Variants in EYS observed in about 807,000 individuals in gnomAD.
EYS encodes the protein EGF-like photoreceptor maintenance factor, also known as protein eyes shut homolog.
Under a neutral mutation model 282.1 loss-of-function variants are expected in EYS, and 250 were observed. The observed-to-expected ratio is 0.89, with a 90% CI of 0.80 to 0.98. The LOEUF is 0.98. Ranked by LOEUF, EYS falls within the 50% of genes least tolerant of loss-of-function variation. The probability of loss-of-function intolerance (pLI) is 0.00; values close to 1 mark genes in which losing one functional copy is unlikely to be tolerated. For missense variants in EYS, 4,016 were observed against 3,709.0 expected, an observed-to-expected ratio of 1.08 and a Z score of -2.15; for synonymous variants, 1,355 against 1,282.9, an observed-to-expected ratio of 1.06 and a Z score of -1.20.
chr6:64,678,487 A>G (rs1193141311), intron 22 of EYS, among the ~76,000 whole-genome samples: 1 of 152,150 alleles, frequency 6.6e-6, no homozygotes, highest in East Asian at 1.9e-4. Flanking sequence ...CTGAGACAGG[A>G]GAATCACTTG....
rs1324933681 is a variant in EYS, at chr6:64,537,009, GT to G, written c.5644+53213del. 5.5e-3 allele frequency among the ~76,000 whole-genome samples: 800 copies of G among 145,018 alleles called. 7 individuals carry two copies. The highest frequency in any genetic ancestry group is 0.019 in the African/African-American group (753 of 39,816). On this transcript the variant is annotated intron_variant, in intron 26 of 42. Coordinates refer to ENST00000503581, the MANE Select transcript of EYS (RefSeq NM_001142800.2). ...TCTCTTTGTAAAATTTATTTATTTT[GT>G]TTTTTTTTTATTATACTTTAAGTTT... is the stretch of plus-strand genomic sequence containing the variant.
chr6:63,875,445 T>C (rs919671281), intron 35 of EYS, among the ~76,000 whole-genome samples: 13 of 152,240 alleles, frequency 8.5e-5, no homozygotes, highest in Non-Finnish European at 1.9e-4. Flanking sequence ...TTTTTTGTTG[T>C]GTCTCGGCCA....
At chr6:64,903,274 T>C (rs1583278720) in intron 16 of EYS, among the ~76,000 whole-genome samples, 1 of 152,150 alleles carries the variant, frequency 6.6e-6, no homozygotes, top group African/African-American at 2.4e-5. Context: ...AGATTTCCCT[T>C]TATTTTGCTT....
chr6:64,398,014 T>TA (rs869245940), intron 28 of EYS, among the ~76,000 whole-genome samples: 1 of 79,498 alleles, frequency 1.3e-5, no homozygotes, highest in East Asian at 6.9e-4. Flanking sequence ...TACACAGGTA[T>TA]TTTTCTGGTC....
intron 13 of EYS, among the ~76,000 whole-genome samples, chr6:65,023,240 CTG>C (rs1201712730): frequency 3.9e-5 from 6 of 152,064 alleles, no homozygotes; most frequent in Non-Finnish European, 7.3e-5. Flanking sequence ...ATTATATTAA[CTG>C]CGGTCACTGT....
At chr6:64,532,395 A>G (rs904132548) in intron 26 of EYS, among the ~76,000 whole-genome samples, 3 of 152,158 alleles carry the variant, frequency 2.0e-5, no homozygotes, top group African/African-American at 7.2e-5. Context: ...TTGGCAAACT[A>G]GGAAAATTAC....
intron 27 of EYS, among the ~76,000 whole-genome samples, 156 bp downstream of exon 27, chr6:64,439,006 C>T (rs1774844479): frequency 6.6e-6 from 1 of 151,252 alleles, no homozygotes; most frequent in South Asian, 2.1e-4. Context: ...TTCATATATA[C>T]ATAGAAAGAA....
Position 64,886,577 on chromosome 6 carries a change from T to C in EYS, c.2992+120A>G, listed in dbSNP as rs878866110. The C allele has an allele frequency of 2.4e-5, 15 of 635,864 alleles. No individual in the cohort carries two copies. In the South Asian group the frequency reaches 6.2e-4, roughly 26 times the overall value. The allele number at this position is 635,864 out of a possible 1,614,324, so 39.4% of individuals were successfully genotyped here. On this transcript the variant is annotated intron_variant, in intron 19 of 42. Coordinates refer to ENST00000503581, the MANE Select transcript of EYS (RefSeq NM_001142800.2). ...CTTTTATAAGAGACAAATTATCTCT[T>C]GACATTTTTGCCCTGTTTGCATCTG...
intron 41 of EYS, among the ~76,000 whole-genome samples, chr6:63,747,579 C>T (rs891400222): frequency 2.0e-5 from 3 of 152,084 alleles, no homozygotes; most frequent in Non-Finnish European, 4.4e-5. Flanking sequence ...GTGTGGGAGT[C>T]TGAGTCTCTT....
intron 1 of EYS, among the ~76,000 whole-genome samples, chr6:65,643,915 C>A (rs1767370134): frequency 6.6e-6 from 1 of 152,090 alleles, no homozygotes. Flanking sequence ...ACAAAAAAAT[C>A]TGAACAGCAG....
intron 19 of EYS, among the ~76,000 whole-genome samples, chr6:64,851,216 G>A (rs927569718): frequency 1.3e-5 from 2 of 152,038 alleles, no homozygotes; most frequent in Non-Finnish European, 2.9e-5. Context: ...TCAGAGTTCT[G>A]AACATCAAGC....
At chr6:64,234,880 CT>C (rs11309411) in intron 30 of EYS, among the ~76,000 whole-genome samples, 45,772 of 146,358 alleles carry the variant, frequency 0.31, 6,987 homozygotes, top group East Asian at 0.5. Flanking sequence ...GAACTTTATT[CT>C]TTTTTTTTTT....
At chr6:64,702,049 T>C (rs1045800505) in intron 22 of EYS, among the ~76,000 whole-genome samples, 5 of 151,536 alleles carry the variant, frequency 3.3e-5, no homozygotes, top group South Asian at 2.1e-4. Context: ...TTTTTTCTCA[T>C]TGGTTTTCAA....
chr6:65,641,000 C>G (rs1232105663), intron 1 of EYS, among the ~76,000 whole-genome samples: 1 of 152,028 alleles, frequency 6.6e-6, no homozygotes. Context: ...CCTGTATATA[C>G]TTTATTCTCT....
chr6:63,783,022 T>G (rs1458781363), intron 39 of EYS, among the ~76,000 whole-genome samples: 1 of 151,948 alleles, frequency 6.6e-6, no homozygotes, highest in Non-Finnish European at 1.5e-5. Flanking sequence ...ATATGGGCTC[T>G]TCTTTGAAGA....
At chr6:64,978,264 A>G (rs2150114913) in intron 14 of EYS, among the ~76,000 whole-genome samples, 1 of 151,986 alleles carries the variant, frequency 6.6e-6, no homozygotes, top group South Asian at 2.1e-4. Flanking sequence ...TTCCCCAAAT[A>G]CTAAGGCCCT....
chr6:65,168,049 T>C (rs994519343), intron 12 of EYS, among the ~76,000 whole-genome samples: 4 of 150,578 alleles, frequency 2.7e-5, no homozygotes, highest in Admixed American at 1.3e-4. Context: ...CTTGCAGCCC[T>C]TGGGGACTGC....
intron 29 of EYS, among the ~76,000 whole-genome samples, chr6:64,343,368 C>A (rs1162554305): frequency 6.6e-6 from 1 of 152,018 alleles, no homozygotes; most frequent in Non-Finnish European, 1.5e-5. Context: ...TCTCAGACCA[C>A]AGTGCAATCA....
intron 15 of EYS, among the ~76,000 whole-genome samples, chr6:64,934,138 A>G (rs574752301): frequency 1.3e-5 from 2 of 152,092 alleles, no homozygotes; most frequent in East Asian, 3.9e-4. Context: ...AGTATATTAA[A>G]AAAAAAAAGT....
Sources: allele counts gnomAD v4.1 joint callset (sites outside exome capture counted in the v4.1 genomes callset), GRCh38; gene constraint gnomAD v4.1.1; transcripts MANE v1.5; gene names NCBI Gene and HGNC (gene_info 2026-07-23, HGNC 2026-07-21).